STYX: variants seen among roughly 807,000 people sequenced by gnomAD.
The protein encoded by STYX is serine/threonine/tyrosine-interacting protein.
Under a neutral mutation model 42.7 loss-of-function variants are expected in STYX, and 20 were observed. The observed-to-expected ratio is 0.47, with a 90% CI of 0.33 to 0.68. The LOEUF (loss-of-function observed/expected upper bound fraction) is 0.68. Ranked by LOEUF, STYX falls within the 30% of genes least tolerant of loss-of-function variation. STYX has a pLI of 0.02. For missense variants in STYX, 226 were observed against 268.5 expected (o/e 0.84, Z 1.11); for synonymous variants, 78 against 81.9 (o/e 0.95, Z 0.26).
chr14:52,765,932 G>A (rs1249423376), intron 9 of STYX, among the ~76,000 whole-genome samples: 1 of 152,178 alleles, frequency 6.6e-6, no homozygotes, highest in Non-Finnish European at 1.5e-5. Flanking sequence ...TCTGGGGTCT[G>A]CAGTCCAGGG....
In STYX at chr14:52,771,695, C is replaced by T. The variant is rs1197633987; in HGVS notation, c.*589C>T. On this transcript the variant is annotated 3_prime_UTR_variant, in exon 11 of 11. Transcript: ENST00000354586. ...ACCATTTTATTTTTTATACTTCTTCCATTATTAATCTTTAAATCATGATCC... is the reference window on the plus strand; with the variant it reads ...ACCATTTTATTTTTTATACTTCTTCTATTATTAATCTTTAAATCATGATCC... 1 of 152,322 alleles carries T rather than the reference C, an allele frequency of 6.6e-6. No individual in the cohort carries two copies. The highest frequency in any genetic ancestry group is 2.4e-5 in the African/African-American group (1 of 41,388). The allele number at this position is 152,322 out of a possible 1,614,324, so 9.4% of individuals were successfully genotyped here.
At chr14:52,750,973 G>A (rs770451473) in intron 4 of STYX, among the ~76,000 whole-genome samples, 193 bp downstream of exon 4, 10 of 151,912 alleles carry the variant, frequency 6.6e-5, no homozygotes, top group Non-Finnish European at 1.0e-4. Context: ...TCAAAAGAGT[G>A]TATATTGTCA....
intron 1 of STYX, 70 bp downstream of exon 1, chr14:52,730,601 C>G (rs973699748): frequency 7.7e-6 from 12 of 1,552,086 alleles, no homozygotes; most frequent in African/African-American, 2.7e-5. Flanking sequence ...GACCCCAGTC[C>G]CCAACCGTCT....
intron 9 of STYX, among the ~76,000 whole-genome samples, chr14:52,760,441 G>A (rs1244740709): frequency 2.0e-5 from 3 of 151,944 alleles, no homozygotes; most frequent in Admixed American, 2.0e-4. Context: ...TTGATGCCTG[G>A]CAGATGCACT....
chr14:52,759,360 T>C (rs1403185446), intron 8 of STYX, among the ~76,000 whole-genome samples: 1 of 152,154 alleles, frequency 6.6e-6, no homozygotes, highest in Non-Finnish European at 1.5e-5. Context: ...CTTCAAGCAG[T>C]CCTCCTGTGT....
rs2139868297 is a variant in STYX, at chr14:52,730,288, C to G, written c.-187C>G. 1 of 615,108 alleles carries G rather than the reference C, an allele frequency of 1.6e-6. No individual in the cohort carries two copies. Among genetic ancestry groups the G allele is most frequent in the Non-Finnish European group, 2.9e-6 (1 of 346,020 alleles). The allele number at this position is 615,108 out of a possible 1,614,324, so 38.1% of individuals were successfully genotyped here. Reference sequence around the variant, plus strand: ...GACGCCCGACCCTCCTCTTCCCTGTCTTCGCCGCCGCCGCTGCTGGAGTCA... The same window carrying G: ...GACGCCCGACCCTCCTCTTCCCTGTGTTCGCCGCCGCCGCTGCTGGAGTCA... On this transcript the variant is annotated 5_prime_UTR_variant, in exon 1 of 11. Transcript: ENST00000354586.
At chr14:52,758,034 T>A in intron 8 of STYX, 110 bp downstream of exon 8, 1 of 1,224,058 alleles carries the variant, frequency 8.2e-7, no homozygotes, top group Non-Finnish European at 1.1e-6. Flanking sequence ...ATTTTTCATG[T>A]AGTCATGTTT....
chr14:52,747,111 T>C (rs935529632), intron 3 of STYX, among the ~76,000 whole-genome samples: 1 of 152,240 alleles, frequency 6.6e-6, no homozygotes, highest in Admixed American at 6.5e-5. Context: ...TTCTGGTCCC[T>C]GGCATTTTAA....
chr14:52,755,650 G>A (rs1355291718), intron 4 of STYX, among the ~76,000 whole-genome samples: 1 of 149,146 alleles, frequency 6.7e-6, no homozygotes, highest in Non-Finnish European at 1.5e-5. Flanking sequence ...ATTTTGTAAA[G>A]TGTAAAATTC....
intron 9 of STYX, among the ~76,000 whole-genome samples, chr14:52,761,139 G>A (rs1225045918): frequency 6.6e-6 from 1 of 152,042 alleles, no homozygotes; most frequent in Non-Finnish European, 1.5e-5. Context: ...GACCAGCCTG[G>A]CCAACATGGG....
chr14:52,742,577 A>T (rs1179462695), intron 1 of STYX, among the ~76,000 whole-genome samples: 1 of 152,192 alleles, frequency 6.6e-6, no homozygotes, highest in Non-Finnish European at 1.5e-5. Flanking sequence ...TTCATGAATC[A>T]GGCAGTGTGT....
At position 52,772,722 on chromosome 14, in the gene STYX, G is replaced by C. The variant is rs1003813187; in HGVS notation, c.*1616G>C. ...AGTAAAAGCTTTCTTACCCAGCATA[G>C]TGGGAGAGTGGAGATTAATTAAAAT... On this transcript the variant is annotated 3_prime_UTR_variant, in exon 11 of 11. Transcript: ENST00000354586. 1 of 152,602 alleles carries C rather than the reference G, an allele frequency of 6.6e-6. No individual in the cohort carries two copies. The highest frequency in any genetic ancestry group is 1.5e-5 in the Non-Finnish European group (1 of 68,028). The allele number at this position is 152,602 out of a possible 1,614,324, so 9.5% of individuals were successfully genotyped here.
chr14:52,755,631 C>A (rs974814702), intron 4 of STYX, among the ~76,000 whole-genome samples: 5 of 150,098 alleles, frequency 3.3e-5, no homozygotes, highest in African/African-American at 1.2e-4. Context: ...TTTAAAATGC[C>A]TTTTAAGTAT....
At chr14:52,761,566 G>GTTTTTTTT (rs539782412) in intron 9 of STYX, among the ~76,000 whole-genome samples, 2 of 100,832 alleles carry the variant, frequency 2.0e-5, no homozygotes, top group African/African-American at 3.8e-5. Flanking sequence ...GTAGCCAAAA[G>GTTTTTTTT]TTTTTTTTTT....
intron 2 of STYX, 116 bp from the exon 3 acceptor site, chr14:52,746,310 C>T: frequency 1.5e-6 from 1 of 660,750 alleles, no homozygotes; most frequent in Admixed American, 3.6e-5. Context: ...ATAATAGTTC[C>T]AATCTTGTTG....
intron 1 of STYX, among the ~76,000 whole-genome samples, chr14:52,739,998 G>T (rs779576349): frequency 5.3e-5 from 8 of 152,098 alleles, no homozygotes; most frequent in Admixed American, 1.3e-4. Context: ...AAGAATCTAG[G>T]CTGGGCGCGG....
chr14:52,770,213 T>C (rs1882457702), intron 10 of STYX, among the ~76,000 whole-genome samples: 2 of 152,152 alleles, frequency 1.3e-5, no homozygotes, highest in African/African-American at 4.8e-5. Flanking sequence ...TTTTATCTCA[T>C]TCAATTGTAT....
chr14:52,757,591 A>G (rs1881924071), intron 6 of STYX, 152 bp from the exon 7 acceptor site: 11 of 792,688 alleles, frequency 1.4e-5, no homozygotes, highest in Non-Finnish European at 2.2e-5. Context: ...AGTCTGCTAT[A>G]TTCTCTACAC....
chr14:52,750,871 T>TA (rs1881584926), intron 4 of STYX, 91 bp downstream of exon 4: 1 of 779,834 alleles, frequency 1.3e-6, no homozygotes, highest in Non-Finnish European at 2.0e-6. Context: ...ATCTAGTTTG[T>TA]AAAAATGGGT....
Sources: gnomAD v4.1 joint callset for allele counts (sites outside exome capture counted in the v4.1 genomes callset) on GRCh38, gnomAD v4.1.1 for gene constraint, MANE v1.5 for transcripts, NCBI Gene and HGNC (gene_info 2026-07-23, HGNC 2026-07-21) for gene names.